MTTP: variants seen among roughly 807,000 people sequenced by gnomAD.
MTTP encodes microsomal triglyceride transfer protein.
Under a neutral mutation model 90.6 loss-of-function variants are expected in MTTP, and 49 were observed. The observed-to-expected ratio is 0.54, with a 90% CI of 0.43 to 0.69. MTTP has a LOEUF of 0.69. Ranked by LOEUF, MTTP falls within the 30% of genes least tolerant of loss-of-function variation. The pLI, the probability that MTTP is intolerant of heterozygous loss-of-function variation, is 0.00. For missense variants in MTTP, 945 were observed against 1,067.5 expected, an observed-to-expected ratio of 0.89 and a Z score of 1.60; for synonymous variants, 347 against 384.2, an observed-to-expected ratio of 0.90 and a Z score of 1.13.
intron 4 of MTTP, 24 bp from the exon 5 acceptor site, chr4:99,591,211 T>C (rs749911083): frequency 2.6e-6 from 4 of 1,522,450 alleles, no homozygotes; most frequent in Non-Finnish European, 3.6e-6. Context: ...ATCCCAAGCA[T>C]TATGCCCTTG....
At chr4:99,568,021 C>T (rs1232818836) in intron 1 of MTTP, among the ~76,000 whole-genome samples, 1 of 151,744 alleles carries the variant, frequency 6.6e-6, no homozygotes, top group Non-Finnish European at 1.5e-5. Flanking sequence ...AAACAGAGAG[C>T]AAGTTTTAAA....
intron 15 of MTTP, among the ~76,000 whole-genome samples, chr4:99,614,942 A>G (rs1726061686): frequency 6.6e-6 from 1 of 152,238 alleles, no homozygotes; most frequent in African/African-American, 2.4e-5. Context: ...CTCAAGTCAC[A>G]CATGAAAAAA....
intron 3 of MTTP, chr4:99,583,727 T>C (rs1725185734): frequency 1.6e-6 from 1 of 633,952 alleles, no homozygotes; most frequent in South Asian, 2.1e-5. Flanking sequence ...ATTTGTTTCC[T>C]ATTTTTCTGG....
chr4:99,568,282 T>C (rs980378920), intron 1 of MTTP, among the ~76,000 whole-genome samples: 1 of 152,006 alleles, frequency 6.6e-6, no homozygotes, highest in African/African-American at 2.4e-5. Context: ...AAAAAGACGC[T>C]CACTAAACTA....
At chr4:99,564,485 G>C in intron 1 of MTTP, 1 of 445,902 alleles carries the variant, frequency 2.2e-6, no homozygotes, top group Non-Finnish European at 4.0e-6. Context: ...CTTTTTTATG[G>C]CTGAAGTAAA....
rs759382415 is a variant in MTTP at position 99,600,581 on chromosome 4, G to A, written c.1084G>A (p.Ala362Thr). Residue 362 changes from alanine to threonine, a missense_variant, in exon 9 of 18, where the codon GCT (alanine) becomes ACT (threonine). Transcript: ENST00000265517. ...NKEVLPQLVD[A>T]VTSAQTSDSL... The stretch of plus-strand genomic sequence containing the variant: ...TTTTTATAGACCTCAGCTGGTGGAT[G>A]CTGTCACCTCTGCTCAGACCTCAGA... 1.2e-6 allele frequency: 2 copies of A among 1,613,656 alleles called. No homozygotes were observed. Among genetic ancestry groups the A allele is most frequent in the Admixed American group, 1.7e-5 (1 of 60,008 alleles).
At position 99,621,071 on chromosome 4, in the gene MTTP, G is replaced by A; in HGVS notation, c.2353G>A (p.Val785Ile). The change falls in exon 17 of 18, where the codon GTA becomes ATA. Residue 785 changes from valine (V) to isoleucine (I), a missense_variant. Val to Ile is a conservative substitution (Grantham distance 29, BLOSUM62 3). Coordinates refer to ENST00000265517, the MANE Select transcript of MTTP (RefSeq NM_001386140.1). ...KTRVKNRVTV[V>I]ITTDITVDSS... ...TTCTCAAATGTTTAGGGTGACTGTG[G>A]TAATAACCACTGACATCACAGTGGA... is the stretch of plus-strand genomic sequence containing the variant. 1.2e-6 allele frequency: 2 copies of A among 1,613,948 alleles called. No homozygotes were observed. Among genetic ancestry groups the A allele is most frequent in the Admixed American group, 1.7e-5 (1 of 60,008 alleles).
At chr4:99,597,632 A>T (rs1199904905) in intron 8 of MTTP, among the ~76,000 whole-genome samples, 1 of 152,182 alleles carries the variant, frequency 6.6e-6, no homozygotes, top group East Asian at 1.9e-4. Context: ...AAAGGGTTTG[A>T]CTTCTTCAGT....
chr4:99,592,460 T>C (rs1376574886), intron 6 of MTTP, among the ~76,000 whole-genome samples: 1 of 151,774 alleles, frequency 6.6e-6, no homozygotes, highest in Non-Finnish European at 1.5e-5. Flanking sequence ...ACACATTGTA[T>C]AGGTGTACAA....
In MTTP at chr4:99,594,815, G is replaced by T. The variant is rs1725513507; in HGVS notation, c.841G>T (p.Asp281Tyr). ...GGCTGCAGCCATAATCAAAGCAGTT[G>T]ATTCAAAGTACACGGCCATTCCCAT... The part of the protein sequence containing the change: ...KQAAAIIKAV[D>Y]SKYTAIPIVG... The change falls in exon 7 of 18, where the codon GAT becomes TAT. Residue 281 changes from aspartate (D) to tyrosine (Y), a missense_variant. Coordinates refer to ENST00000265517, the MANE Select transcript of MTTP (RefSeq NM_001386140.1). 1 of 1,614,056 alleles carries T rather than the reference G, an allele frequency of 6.2e-7. No individual in the cohort carries two copies. The highest frequency in any genetic ancestry group is 8.5e-7 in the Non-Finnish European group (1 of 1,179,940).
chr4:99,583,344 T>C, intron 2 of MTTP, 30 bp from the exon 3 acceptor site: 7 of 1,611,316 alleles, frequency 4.3e-6, no homozygotes, highest in Non-Finnish European at 5.9e-6. Flanking sequence ...TAGGAAGTTT[T>C]TTTTAACAGC....
At chr4:99,609,103 C>A in intron 12 of MTTP, 126 bp downstream of exon 12, 2 of 931,392 alleles carry the variant, frequency 2.1e-6, no homozygotes, top group Non-Finnish European at 3.4e-6. Context: ...CCAAAGAGTG[C>A]CAGATTTCCC....
chr4:99,564,378 C>G, intron 1 of MTTP: 1 of 799,692 alleles, frequency 1.3e-6, no homozygotes, highest in Non-Finnish European at 1.9e-6. Context: ...CAGAAAATTA[C>G]CATATCACAT....
chr4:99,568,419 G>A (rs1304237957), intron 1 of MTTP, among the ~76,000 whole-genome samples: 2 of 152,078 alleles, frequency 1.3e-5, no homozygotes, highest in East Asian at 3.8e-4. Context: ...AAATGAAATA[G>A]GTATAAATCT....
At position 99,623,122 on chromosome 4, in the gene MTTP, A is replaced by G. The variant is rs2110239751; in HGVS notation, c.*274A>G. 6.4e-6 allele frequency: 3 copies of G among 465,204 alleles called. No individual in the cohort carries two copies. The highest frequency in any genetic ancestry group is 8.3e-5 in the East Asian group (2 of 23,984). The allele number at this position is 465,204 out of a possible 1,614,324, so 28.8% of individuals were successfully genotyped here. ...CTCATTTGGTACAGTCAGAATAGTTATTCTCTAAGAGGAAACTAGTGTTTG... is the reference window on the plus strand; with the variant it reads ...CTCATTTGGTACAGTCAGAATAGTTGTTCTCTAAGAGGAAACTAGTGTTTG... On this transcript the variant is annotated 3_prime_UTR_variant, in exon 18 of 18. Transcript: ENST00000265517.
At chr4:99,579,222 G>T (rs959442053) in intron 1 of MTTP, among the ~76,000 whole-genome samples, 12 of 152,246 alleles carry the variant, frequency 7.9e-5, no homozygotes, top group Non-Finnish European at 1.6e-4. Context: ...TTCTTTGAAG[G>T]TTCGACAGAT....
intron 10 of MTTP, among the ~76,000 whole-genome samples, chr4:99,603,396 G>GT (rs1451012412): frequency 6.6e-6 from 1 of 152,146 alleles, no homozygotes; most frequent in Non-Finnish European, 1.5e-5. Flanking sequence ...GAAGCAAGAT[G>GT]TTTTGTGGAC....
intron 6 of MTTP, among the ~76,000 whole-genome samples, chr4:99,594,228 T>C (rs1373413827): frequency 6.6e-6 from 1 of 152,174 alleles, no homozygotes; most frequent in Non-Finnish European, 1.5e-5. Flanking sequence ...GTCTCCTCTA[T>C]TAGTTGAGGC....
At chr4:99,578,391 C>G (rs2110209647) in intron 1 of MTTP, among the ~76,000 whole-genome samples, 1 of 152,170 alleles carries the variant, frequency 6.6e-6, no homozygotes. Context: ...TGGGACATGC[C>G]CCAATGCCCA....
Sources: gnomAD v4.1 joint callset for allele counts (sites outside exome capture counted in the v4.1 genomes callset) on GRCh38, gnomAD v4.1.1 for gene constraint, MANE v1.5 for transcripts, NCBI Gene and HGNC (gene_info 2026-07-23, HGNC 2026-07-21) for gene names.